The following KLHL1 variants were observed in gnomAD, a reference collection of about 807,000 sequenced individuals.
The protein encoded by KLHL1 is kelch-like protein 1.
In KLHL1, 47 loss-of-function variants were observed where a neutral mutation model predicts 77.7. The observed-to-expected ratio is 0.60, with a 90% CI of 0.48 to 0.77. The LOEUF (loss-of-function observed/expected upper bound fraction) is 0.77. Ranked by LOEUF, KLHL1 falls within the 30% of genes least tolerant of loss-of-function variation. The pLI, the probability that KLHL1 is intolerant of heterozygous loss-of-function variation, is 0.00. For missense variants in KLHL1, 925 were observed against 910.8 expected, an observed-to-expected ratio of 1.02 and a Z score of -0.20; for synonymous variants, 360 against 325.2, an observed-to-expected ratio of 1.11 and a Z score of -1.15.
intron 5 of KLHL1, among the ~76,000 whole-genome samples, chr13:69,874,893 C>G (rs1173962061): frequency 1.3e-5 from 2 of 152,000 alleles, no homozygotes; most frequent in Non-Finnish European, 2.9e-5. Flanking sequence ...ATCCTAAGAG[C>G]ATAAATCTTG....
rs759482336 is a variant in KLHL1, at chr13:69,837,630, GTATA to G, written c.1414+1342_1414+1345del. On this transcript the variant is annotated intron_variant, in intron 6 of 10. Coordinates refer to ENST00000377844, the MANE Select transcript of KLHL1 (RefSeq NM_020866.3). ...TCTCTCTCTCTATATATATGTGTGTGTATATATATATATGTGTATATATATATGT... is the reference window on the plus strand; with the variant it reads ...TCTCTCTCTCTATATATATGTGTGTGTATATATATGTGTATATATATATGT... Among the ~76,000 whole-genome samples the G allele has an allele frequency of 1.3e-4, 17 of 128,712 alleles. No individual in the cohort carries two copies. In the East Asian group the frequency reaches 2.7e-3, roughly 20 times the overall value. 84.4% of individuals were successfully genotyped at this position (128,712 alleles called of 152,430 possible). A position where few individuals can be genotyped will look rare whatever the true frequency, so the allele number is the denominator to read the frequency against.
intron 4 of KLHL1, among the ~76,000 whole-genome samples, chr13:69,902,693 G>C (rs1478377752): frequency 2.0e-5 from 3 of 147,282 alleles, no homozygotes; most frequent in African/African-American, 5.0e-5. Flanking sequence ...CTCATAGGTG[G>C]GAATTAAACA....
At position 69,783,337 on chromosome 13, in the gene KLHL1, T is replaced by G. The variant is rs1227408572; in HGVS notation, c.1639+13401A>C. On this transcript the variant is annotated intron_variant, in intron 7 of 10. Transcript: ENST00000377844. Reference sequence around the variant, plus strand: ...AAAGCTGGATGGAGAATGACTTTGATGAGTTGAGAGAAGAAGTCTCCAGAC... The same window carrying G: ...AAAGCTGGATGGAGAATGACTTTGAGGAGTTGAGAGAAGAAGTCTCCAGAC... Among the ~76,000 whole-genome samples, 3 of 152,166 alleles carry G rather than the reference T, an allele frequency of 2.0e-5. No homozygotes were observed. The East Asian group carries it at 5.8e-4, about 29-fold the overall frequency.
intron 9 of KLHL1, among the ~76,000 whole-genome samples, chr13:69,708,619 A>C (rs1875739112): frequency 6.6e-6 from 1 of 152,042 alleles, no homozygotes; most frequent in African/African-American, 2.4e-5. Context: ...AATTTAAACA[A>C]AAAATTTATT....
intron 1 of KLHL1, among the ~76,000 whole-genome samples, chr13:70,106,413 T>C (rs947145840): frequency 6.6e-6 from 1 of 152,166 alleles, no homozygotes; most frequent in Non-Finnish European, 1.5e-5. Context: ...ACTTGGGAGT[T>C]TTATGTCTAT....
chr13:69,822,546 T>A (rs185104443), intron 6 of KLHL1, among the ~76,000 whole-genome samples: 114 of 152,266 alleles, frequency 7.5e-4, no homozygotes, highest in African/African-American at 2.7e-3. Flanking sequence ...CATTACTTAT[T>A]TCTACCCACG....
chr13:70,090,465 C>T (rs1169068788), intron 1 of KLHL1, among the ~76,000 whole-genome samples: 1 of 147,148 alleles, frequency 6.8e-6, no homozygotes, highest in Non-Finnish European at 1.5e-5. Flanking sequence ...ATATCATATT[C>T]AAGGTTTATT....
intron 1 of KLHL1, among the ~76,000 whole-genome samples, chr13:70,005,972 C>A (rs2472285): frequency 0.77 from 117,485 of 151,884 alleles, 45,856 homozygotes; most frequent in African/African-American, 0.8. Flanking sequence ...TTCATCTTGC[C>A]TTCCTAAAAC....
At chr13:69,935,947 G>T (rs761270000) in intron 4 of KLHL1, among the ~76,000 whole-genome samples, 21 of 152,056 alleles carry the variant, frequency 1.4e-4, no homozygotes, top group South Asian at 4.2e-4. Context: ...AAAGAAATCC[G>T]CAATATATTT....
At chr13:70,008,944 C>G (rs902148264) in intron 1 of KLHL1, among the ~76,000 whole-genome samples, 1 of 152,016 alleles carries the variant, frequency 6.6e-6, no homozygotes, top group Non-Finnish European at 1.5e-5. Context: ...CTTCTCTCTC[C>G]TTCTGGATTT....
intron 7 of KLHL1, among the ~76,000 whole-genome samples, chr13:69,752,702 G>C (rs1785710492): frequency 6.6e-6 from 1 of 152,114 alleles, no homozygotes; most frequent in Admixed American, 6.6e-5. Context: ...CTGACCTGGG[G>C]GTTTAAAGGT....
chr13:70,004,394 T>C (rs1306696930), intron 1 of KLHL1, among the ~76,000 whole-genome samples: 1 of 151,862 alleles, frequency 6.6e-6, no homozygotes, highest in South Asian at 2.1e-4. Context: ...CAAGATTATG[T>C]TGCTTTTAGC....
chr13:69,900,094 CG>C (rs1881802670), intron 4 of KLHL1, among the ~76,000 whole-genome samples: 1 of 152,020 alleles, frequency 6.6e-6, no homozygotes, highest in Non-Finnish European at 1.5e-5. Flanking sequence ...AACCTTGGAG[CG>C]GGGCAGACAT....
intron 4 of KLHL1, among the ~76,000 whole-genome samples, chr13:69,933,777 G>A (rs879791543): frequency 6.6e-5 from 10 of 151,516 alleles, no homozygotes; most frequent in Admixed American, 2.6e-4. Context: ...TGGTAGCACC[G>A]GACAGAAAAC....
intron 1 of KLHL1, among the ~76,000 whole-genome samples, chr13:70,098,886 A>G (rs1033074994): frequency 4.6e-5 from 7 of 151,774 alleles, no homozygotes; most frequent in Admixed American, 4.6e-4. Context: ...CAACCACTAG[A>G]TGGCAAATTT....
At chr13:69,925,222 T>C (rs1181388097) in intron 4 of KLHL1, among the ~76,000 whole-genome samples, 1 of 152,230 alleles carries the variant, frequency 6.6e-6, no homozygotes, top group Non-Finnish European at 1.5e-5. Flanking sequence ...CTAGTTTTCA[T>C]AATTTGAATT....
At chr13:69,933,839 G>T (rs1158026015) in intron 4 of KLHL1, among the ~76,000 whole-genome samples, 1 of 151,748 alleles carries the variant, frequency 6.6e-6, no homozygotes, top group Non-Finnish European at 1.5e-5. Context: ...AAAGTTCTTT[G>T]GTCTTATTTC....
chr13:69,799,758 C>A (rs928820406), intron 6 of KLHL1, among the ~76,000 whole-genome samples: 3 of 152,124 alleles, frequency 2.0e-5, no homozygotes, highest in African/African-American at 4.8e-5. Flanking sequence ...AAAATCAGTT[C>A]TCTTGCCTTT....
intron 4 of KLHL1, among the ~76,000 whole-genome samples, chr13:69,929,361 A>T (rs918208704): frequency 6.6e-6 from 1 of 151,990 alleles, no homozygotes; most frequent in African/African-American, 2.4e-5. Flanking sequence ...AATTGGGAAG[A>T]TAATAAAAAA....
Sources: gnomAD v4.1 joint callset for allele counts (sites outside exome capture counted in the v4.1 genomes callset) on GRCh38, gnomAD v4.1.1 for gene constraint, MANE v1.5 for transcripts, NCBI Gene and HGNC (gene_info 2026-07-23, HGNC 2026-07-21) for gene names.